The following SCIN variants were observed in gnomAD, a reference collection of about 807,000 sequenced individuals.
SCIN encodes scinderin, also known as adseverin.
A neutral mutation model predicts 91.8 loss-of-function variants in SCIN; 91 were observed. That is an observed-to-expected ratio of 0.99 (90% CI 0.84 to 1.18). The LOEUF is 1.18. SCIN is among the 50% of genes most tolerant of loss of function. The pLI is 0.00. For synonymous variants in SCIN, 367 were observed against 312.6 expected, an observed-to-expected ratio of 1.17 and a Z score of -1.84; for missense variants, 1,087 against 863.9, an observed-to-expected ratio of 1.26 and a Z score of -3.24.
At chr7:12,623,317 G>A (rs1562620953) in intron 5 of SCIN, among the ~76,000 whole-genome samples, 3 of 152,002 alleles carry the variant, frequency 2.0e-5, no homozygotes, top group Non-Finnish European at 2.9e-5. Flanking sequence ...TGTTACAGGA[G>A]GGCTGAGCTA....
chr7:12,596,557 C>A, intron 3 of SCIN: 1 of 420,686 alleles, frequency 2.4e-6, no homozygotes, highest in East Asian at 7.2e-5. Flanking sequence ...TCTCCTGCCC[C>A]ACTCATGCCT....
chr7:12,626,087 T>C, intron 7 of SCIN: 1 of 460,682 alleles, frequency 2.2e-6, no homozygotes, highest in Non-Finnish European at 3.8e-6. Flanking sequence ...TCCACAGCCT[T>C]TAATTCAAGA....
At chr7:12,636,012 G>T in intron 9 of SCIN, 33 bp from the exon 10 acceptor site, 2 of 1,537,698 alleles carry the variant, frequency 1.3e-6, no homozygotes, top group Non-Finnish European at 1.8e-6. Flanking sequence ...AAACTTAAAG[G>T]CAAGCTAATT....
chr7:12,598,059 A>C (rs999671518), intron 3 of SCIN, among the ~76,000 whole-genome samples: 1 of 152,212 alleles, frequency 6.6e-6, no homozygotes, highest in African/African-American at 2.4e-5. Flanking sequence ...GTTGCCCCTG[A>C]AACTGTTTGC....
chr7:12,585,332 C>G (rs1782565686), intron 3 of SCIN, among the ~76,000 whole-genome samples: 1 of 152,140 alleles, frequency 6.6e-6, no homozygotes. Context: ...TTGTTTTTCT[C>G]CCTCTCAGGC....
chr7:12,642,204 A>G (rs1783871798), intron 11 of SCIN, among the ~76,000 whole-genome samples: 2 of 151,700 alleles, frequency 1.3e-5, no homozygotes, highest in African/African-American at 4.8e-5. Flanking sequence ...TTCCTCCCCC[A>G]CCCATCTGGC....
At chr7:12,615,348 C>T (rs1233868167) in intron 4 of SCIN, among the ~76,000 whole-genome samples, 1 of 151,994 alleles carries the variant, frequency 6.6e-6, no homozygotes, top group East Asian at 1.9e-4. Flanking sequence ...CAGTTTCCCC[C>T]ATGTTGTTCT....
rs1262712326 is a variant in SCIN at position 12,655,240 on chromosome 7, T to C, written c.*2525T>C. The C allele has an allele frequency of 1.3e-5, 2 of 152,248 alleles. No individual in the cohort carries two copies. The highest frequency in any genetic ancestry group is 2.9e-5 in the Non-Finnish European group (2 of 68,040). The allele number at this position is 152,248 out of a possible 1,614,324, so 9.4% of individuals were successfully genotyped here. A position where few individuals can be genotyped will look rare whatever the true frequency, so the allele number is the denominator to read the frequency against. Reference sequence around the variant, plus strand: ...TTACTTTTGTATTGTTGTATTATTTTATTGTTTTTCCCCAAATAGTTTTGA... The same window carrying C: ...TTACTTTTGTATTGTTGTATTATTTCATTGTTTTTCCCCAAATAGTTTTGA... On this transcript the variant is annotated 3_prime_UTR_variant, in exon 16 of 16. Coordinates refer to ENST00000297029, the MANE Select transcript of SCIN (RefSeq NM_001112706.3).
chr7:12,612,406 A>T (rs761840611), intron 4 of SCIN, among the ~76,000 whole-genome samples: 1 of 152,218 alleles, frequency 6.6e-6, no homozygotes, highest in African/African-American at 2.4e-5. Context: ...GCTACACTGC[A>T]TATAGAGAAG....
intron 13 of SCIN, among the ~76,000 whole-genome samples, chr7:12,645,449 T>TACAA (rs1783945763): frequency 6.6e-6 from 1 of 152,158 alleles, no homozygotes; most frequent in Admixed American, 6.5e-5. Flanking sequence ...TCAGCCTGCC[T>TACAA]ACAAACCACG....
chr7:12,579,233 G>A (rs889359736), intron 2 of SCIN, among the ~76,000 whole-genome samples: 1 of 152,088 alleles, frequency 6.6e-6, no homozygotes, highest in African/African-American at 2.4e-5. Flanking sequence ...TGAATATTTT[G>A]TGATATTATT....
chr7:12,608,485 A>G lies in SCIN; in HGVS notation c.666+3822A>G, dbSNP rs1783126345. ...TTTTAAATTGAGGTTTTATTTATTT[A>G]TTTATTTTTTGAGCTGGAGTCTTGC... On this transcript the variant is annotated intron_variant, in intron 4 of 15. Coordinates refer to ENST00000297029, the MANE Select transcript of SCIN (RefSeq NM_001112706.3). 2.0e-5 allele frequency among the ~76,000 whole-genome samples: 3 copies of G among 152,022 alleles called. No individual in the cohort carries two copies. The South Asian group carries it at 6.2e-4, about 32-fold the overall frequency.
At chr7:12,620,981 C>T (rs1285617922) in intron 4 of SCIN, among the ~76,000 whole-genome samples, 5 of 152,072 alleles carry the variant, frequency 3.3e-5, no homozygotes, top group Admixed American at 3.3e-4. Flanking sequence ...TGTTATTTCA[C>T]ATACAAAGGA....
intron 4 of SCIN, among the ~76,000 whole-genome samples, chr7:12,612,818 A>G (rs1469976736): frequency 6.6e-6 from 1 of 152,236 alleles, no homozygotes; most frequent in Non-Finnish European, 1.5e-5. Context: ...GTAACAGCTT[A>G]TCATATGCTG....
chr7:12,618,517 G>T (rs1440320912), intron 4 of SCIN, among the ~76,000 whole-genome samples: 3 of 152,022 alleles, frequency 2.0e-5, no homozygotes, highest in Non-Finnish European at 4.4e-5. Context: ...TATTTTTGAG[G>T]CCATCACTGA....
At chr7:12,622,735 T>G in intron 4 of SCIN, 66 bp from the exon 5 acceptor site, 1 of 1,110,336 alleles carries the variant, frequency 9.0e-7, no homozygotes, top group Admixed American at 1.9e-5. Flanking sequence ...ATAAGTGTAT[T>G]TTTCTAACTC....
At chr7:12,617,068 C>G (rs1783314630) in intron 4 of SCIN, among the ~76,000 whole-genome samples, 1 of 151,934 alleles carries the variant, frequency 6.6e-6, no homozygotes, top group Non-Finnish European at 1.5e-5. Flanking sequence ...AAGTGTAAGT[C>G]CATGAGGAGG....
At chr7:12,605,368 A>G (rs1232953373) in intron 4 of SCIN, among the ~76,000 whole-genome samples, 6 of 152,174 alleles carry the variant, frequency 3.9e-5, no homozygotes, top group African/African-American at 1.4e-4. Context: ...TTTTTTTCAA[A>G]CACGGTGGTT....
chr7:12,632,896 A>G (rs1363320489), intron 9 of SCIN, among the ~76,000 whole-genome samples: 1 of 152,184 alleles, frequency 6.6e-6, no homozygotes, highest in Non-Finnish European at 1.5e-5. Context: ...ATAAGAATGT[A>G]TATATTGGGG....
Sources: gnomAD v4.1 joint callset for allele counts (sites outside exome capture counted in the v4.1 genomes callset) on GRCh38, gnomAD v4.1.1 for gene constraint, MANE v1.5 for transcripts, NCBI Gene and HGNC (gene_info 2026-07-23, HGNC 2026-07-21) for gene names.